PPP1R16B: variants seen among roughly 807,000 people sequenced by gnomAD.
PPP1R16B encodes protein phosphatase 1 regulatory inhibitor subunit 16B.
In PPP1R16B, 14 loss-of-function variants were observed where a neutral mutation model predicts 61.7. The observed-to-expected ratio is 0.23, with a 90% CI of 0.15 to 0.35. PPP1R16B has a LOEUF of 0.35. Among genes scored for constraint, PPP1R16B ranks in the 10% least tolerant of loss-of-function variants. The pLI, the probability that PPP1R16B is intolerant of heterozygous loss-of-function variation, is 1.00. For missense variants in PPP1R16B, 547 were observed against 752.5 expected (o/e 0.73, Z 3.19); for synonymous variants, 266 against 305.3 (o/e 0.87, Z 1.34).
At position 38,818,960 on chromosome 20, in the gene PPP1R16B, G is replaced by A. The variant is rs565211612; in HGVS notation, c.-102+13168G>A. ...CACCCAGCTAATTTTTTAATGTTTTGAGATGAAGTCTCACTGTGTTGTCCA... is the reference window on the plus strand; with the variant it reads ...CACCCAGCTAATTTTTTAATGTTTTAAGATGAAGTCTCACTGTGTTGTCCA... On this transcript the variant is annotated intron_variant, in intron 1 of 10. Transcript: ENST00000299824. Among the ~76,000 whole-genome samples, 26 of 152,100 alleles carry A rather than the reference G, an allele frequency of 1.7e-4. No individual in the cohort carries two copies. The South Asian group carries it at 5.2e-3, about 30-fold the overall frequency.
At chr20:38,858,474 G>A (rs1461294664) in intron 2 of PPP1R16B, among the ~76,000 whole-genome samples, 2 of 152,214 alleles carry the variant, frequency 1.3e-5, no homozygotes, top group African/African-American at 4.8e-5. Flanking sequence ...AGAACACAGG[G>A]CATATCATTT....
At chr20:38,873,326 C>T (rs1324863083) in intron 2 of PPP1R16B, among the ~76,000 whole-genome samples, 2 of 152,082 alleles carry the variant, frequency 1.3e-5, no homozygotes, top group Non-Finnish European at 2.9e-5. Flanking sequence ...CTGGGCTCTT[C>T]GGTTCTCGTG....
rs1448252199 is a variant in PPP1R16B at position 38,806,432 on chromosome 20, C to T, written c.-102+640C>T. ...TGGTAGTTCCCCGGGAGGGGCGCGCCCGGCCTCTCCCAGGGCCCCGTGCGC... is the reference window on the plus strand; with the variant it reads ...TGGTAGTTCCCCGGGAGGGGCGCGCTCGGCCTCTCCCAGGGCCCCGTGCGC... On this transcript the variant is annotated intron_variant, in intron 1 of 10. Coordinates refer to ENST00000299824, the MANE Select transcript of PPP1R16B (RefSeq NM_015568.4). This position sits in a 1 kb window ranked among gnomAD's most constrained non-coding sequence, Gnocchi z 4.5. 1.3e-5 allele frequency among the ~76,000 whole-genome samples: 2 copies of T among 152,132 alleles called. No individual in the cohort carries two copies. The highest frequency in any genetic ancestry group is 2.4e-5 in the African/African-American group (1 of 41,442).
At chr20:38,833,012 A>G (rs557976105) in intron 1 of PPP1R16B, among the ~76,000 whole-genome samples, 1 of 152,300 alleles carries the variant, frequency 6.6e-6, no homozygotes, top group African/African-American at 2.4e-5. Context: ...TGTTTACACA[A>G]TCTGTAGATG....
chr20:38,916,396 A>G (rs938773557), intron 10 of PPP1R16B, among the ~76,000 whole-genome samples: 3 of 148,350 alleles, frequency 2.0e-5, no homozygotes, highest in Non-Finnish European at 3.0e-5. Context: ...ATATATTTAT[A>G]TATGTATGTT....
rs371148702 is a variant in PPP1R16B, at chr20:38,907,816, G to A, written c.909G>A (p.Glu303=). ...SMDEMPIDLC[E]EEEFKVLLLE... is the part of the protein sequence containing the mutation. ...CCTCTGCCCCTTCAGACCTGTGCGA[G>A]GAGGAAGAGTTCAAGGTCCTGCTGC... is the stretch of plus-strand genomic sequence containing the variant. The change falls in exon 9 of 11, where the codon GAG becomes GAA. Residue 303 remains glutamate, a synonymous_variant. Coordinates refer to ENST00000299824, the MANE Select transcript of PPP1R16B (RefSeq NM_015568.4). The surrounding 1 kb of genome is among the most constrained non-coding windows in gnomAD (Gnocchi z 4.5). 6.2e-6 allele frequency: 10 copies of A among 1,614,160 alleles called. No homozygotes were observed. In the Admixed American group the frequency reaches 6.7e-5, roughly 11 times the overall value.
At chr20:38,906,207 G>T in intron 7 of PPP1R16B, 113 bp downstream of exon 7, 1 of 1,175,864 alleles carries the variant, frequency 8.5e-7, no homozygotes. Context: ...AAGGCTTAAG[G>T]TGTTGAATAT....
chr20:38,822,942 A>G (rs1249861435), intron 1 of PPP1R16B, among the ~76,000 whole-genome samples: 2 of 152,228 alleles, frequency 1.3e-5, no homozygotes, highest in Admixed American at 6.5e-5. Flanking sequence ...TGTGTTAGCA[A>G]TACCACTTTC....
At chr20:38,899,723 G>T (rs969077849) in intron 4 of PPP1R16B, among the ~76,000 whole-genome samples, 1 of 151,986 alleles carries the variant, frequency 6.6e-6, no homozygotes, top group African/African-American at 2.4e-5. Context: ...TAATATGAGA[G>T]ACCTGGTTTT....
chr20:38,908,066 A>G lies in PPP1R16B; in HGVS notation c.1067A>G (p.Asn356Ser). The G allele has an allele frequency of 1.2e-6, 2 of 1,614,192 alleles. No individual in the cohort carries two copies. Among genetic ancestry groups the G allele is most frequent in the African/African-American group, 1.3e-5 (1 of 75,050 alleles). Residue 356 changes from asparagine (N) to serine (S), a missense_variant, in exon 10 of 11, where the codon AAC becomes AGC. Coordinates refer to ENST00000299824, the MANE Select transcript of PPP1R16B (RefSeq NM_015568.4). ...CGAGCCAGCCTGTCGGACAGGACCAACCTGTATAGGAAGGAGTATGAGGGA... is the reference window on the plus strand; with the variant it reads ...CGAGCCAGCCTGTCGGACAGGACCAGCCTGTATAGGAAGGAGTATGAGGGA... ...VRRASLSDRT[N>S]LYRKEYEGEA...
At chr20:38,820,655 A>G (rs550209989) in intron 1 of PPP1R16B, among the ~76,000 whole-genome samples, 29 of 152,266 alleles carry the variant, frequency 1.9e-4, no homozygotes, top group Admixed American at 1.6e-3. Context: ...ACATTGCTGA[A>G]CAGTTTTAAA....
At chr20:38,826,629 C>T (rs1407221530) in intron 1 of PPP1R16B, among the ~76,000 whole-genome samples, 4 of 152,328 alleles carry the variant, frequency 2.6e-5, no homozygotes, top group South Asian at 4.1e-4. Flanking sequence ...CAATCAGCAC[C>T]TGCTTAAAAT....
At chr20:38,807,883 G>A (rs930882376) in intron 1 of PPP1R16B, among the ~76,000 whole-genome samples, 4 of 151,752 alleles carry the variant, frequency 2.6e-5, no homozygotes, top group Non-Finnish European at 5.9e-5. Context: ...CATGTGTCAA[G>A]GGCCCCGTGC....
At chr20:38,855,939 T>TAGAGAG (rs1225817106) in intron 2 of PPP1R16B, among the ~76,000 whole-genome samples, 7 of 31,206 alleles carry the variant, frequency 2.2e-4, no homozygotes, top group African/African-American at 3.9e-4. Flanking sequence ...TATATATATA[T>TAGAGAG]ATATAGAGAG....
At chr20:38,901,935 G>A (rs894562175) in intron 5 of PPP1R16B, among the ~76,000 whole-genome samples, 1 of 152,180 alleles carries the variant, frequency 6.6e-6, no homozygotes, top group African/African-American at 2.4e-5. Context: ...TAATGGTAGG[G>A]AATACTCAAT....
At chr20:38,853,657 T>C (rs2084983780) in intron 2 of PPP1R16B, among the ~76,000 whole-genome samples, 1 of 152,238 alleles carries the variant, frequency 6.6e-6, no homozygotes, top group Admixed American at 6.5e-5. Context: ...ACTTAGTGGA[T>C]TGAAACAACA....
chr20:38,818,754 C>CTT (rs577315309), intron 1 of PPP1R16B, among the ~76,000 whole-genome samples: 35 of 138,240 alleles, frequency 2.5e-4, no homozygotes, highest in Non-Finnish European at 3.5e-4. Flanking sequence ...TGATTGTCCT[C>CTT]TTTTTTTTTT....
Position 38,922,556 on chromosome 20 carries a change from T to C in PPP1R16B, c.*3890T>C, listed in dbSNP as rs2085607962. ...TATAGCCCTCTCCCCAACAGGTCTC[T>C]CTTGTTGGCCAGAGGGCCTGCTTCC... On this transcript the variant is annotated 3_prime_UTR_variant, in exon 11 of 11. Coordinates refer to ENST00000299824, the MANE Select transcript of PPP1R16B (RefSeq NM_015568.4). 1 of 152,584 alleles carries C rather than the reference T, an allele frequency of 6.6e-6. No homozygotes were observed. The highest frequency in any genetic ancestry group is 6.5e-5 in the Admixed American group (1 of 15,284). 9.5% of individuals were successfully genotyped at this position (152,584 alleles called of 1,614,324 possible).
At chr20:38,884,397 C>T (rs573959236) in intron 2 of PPP1R16B, among the ~76,000 whole-genome samples, 1 of 152,308 alleles carries the variant, frequency 6.6e-6, no homozygotes, top group East Asian at 1.9e-4. Context: ...GGTCTGCAAA[C>T]CTTTTCTGCA....
Sources: gnomAD v4.1 joint callset for allele counts (sites outside exome capture counted in the v4.1 genomes callset) on GRCh38, gnomAD v4.1.1 for gene constraint, Gnocchi (gnomAD v3.1) non-coding constraint, MANE v1.5 for transcripts, NCBI Gene and HGNC (gene_info 2026-07-23, HGNC 2026-07-21) for gene names.